Variants in PROSER1 observed in about 807,000 individuals in gnomAD.
PROSER1 encodes the protein proline and serine-rich protein 1.
Under a neutral mutation model 71.8 loss-of-function variants are expected in PROSER1, and 36 were observed. That is an observed-to-expected ratio of 0.50 (90% CI 0.38 to 0.66). PROSER1 has a LOEUF of 0.66. Ranked by LOEUF, PROSER1 falls within the 30% of genes least tolerant of loss-of-function variation. The pLI is 0.00. For synonymous variants in PROSER1, 490 were observed against 452.4 expected, an observed-to-expected ratio of 1.08 and a Z score of -1.06; for missense variants, 1,107 against 1,135.0, an observed-to-expected ratio of 0.98 and a Z score of 0.35.
chr13:39,024,708 G>A (rs964943156), intron 6 of PROSER1, 152 bp from the exon 7 acceptor site: 14 of 606,804 alleles, frequency 2.3e-5, no homozygotes, highest in East Asian at 1.1e-4. Context: ...ACTGGCTGGC[G>A]GCATGACCCT....
intron 7 of PROSER1, among the ~76,000 whole-genome samples, chr13:39,024,140 G>A (rs755650370): frequency 2.0e-5 from 3 of 152,128 alleles, no homozygotes; most frequent in Non-Finnish European, 2.9e-5. Flanking sequence ...TGACTTCACT[G>A]TGGTTTCACT....
At chr13:39,031,817 G>A (rs1004668858) in intron 2 of PROSER1, 186 bp from the exon 3 acceptor site, 1 of 525,954 alleles carries the variant, frequency 1.9e-6, no homozygotes, top group Middle Eastern at 3.3e-4. Flanking sequence ...ATAACTTAAA[G>A]TCAAATAAAA....
At chr13:39,018,697 G>C (rs1313754462) in intron 9 of PROSER1, among the ~76,000 whole-genome samples, 1 of 152,054 alleles carries the variant, frequency 6.6e-6, no homozygotes, top group African/African-American at 2.4e-5. Flanking sequence ...TGTCATAAAT[G>C]AATGGGTTAA....
chr13:39,017,533 G>T lies in PROSER1; in HGVS notation c.742C>A (p.Leu248Ile). The T allele has an allele frequency of 6.6e-7, 1 of 1,522,768 alleles. No individual in the cohort carries two copies. Among genetic ancestry groups the T allele is most frequent in the Non-Finnish European group, 9.0e-7 (1 of 1,108,904 alleles). 94.3% of individuals were successfully genotyped at this position (1,522,768 alleles called of 1,614,324 possible). A position where few individuals can be genotyped will look rare whatever the true frequency, so the allele number is the denominator to read the frequency against. ...PNPVGTENED[L>I]SNPSKPIQNQ... ...TGTATAGGTTTTGACGGATTCGAAA[G>T]GTCTTCATTCTCTATATAAAAATAA... Residue 248 changes from leucine (L) to isoleucine (I), a missense_variant, in exon 10 of 13, where the codon CTT becomes ATT. Transcript: ENST00000352251.
chr13:39,035,856 T>G (rs1871076908), intron 1 of PROSER1, among the ~76,000 whole-genome samples: 1 of 152,198 alleles, frequency 6.6e-6, no homozygotes, highest in African/African-American at 2.4e-5. Context: ...ACCATGACAA[T>G]GTTGATGTGT....
intron 10 of PROSER1, among the ~76,000 whole-genome samples, chr13:39,014,905 G>A (rs1869935620): frequency 6.6e-6 from 1 of 152,108 alleles, no homozygotes; most frequent in South Asian, 2.1e-4. Context: ...GCCATACAAG[G>A]CTTTCCAGGA....
Position 39,022,358 on chromosome 13 carries a change from G to A in PROSER1, c.698C>T (p.Pro233Leu). 1 of 1,612,520 alleles carries A rather than the reference G, an allele frequency of 6.2e-7. No homozygotes were observed. Among genetic ancestry groups the A allele is most frequent in the East Asian group, 2.2e-5 (1 of 44,846 alleles). The change falls in exon 9 of 13, where the codon CCA becomes CTA. Residue 233 changes from proline to leucine, a missense_variant. Pro to Leu is a moderately conservative substitution (Grantham distance 98). Transcript: ENST00000352251. ...TACAGGATTAGGAGTATATGGAGGT[G>A]GAGGTGGAGCTATGACATTCGCTAA... Reference protein sequence around the residue: ...VPLANVIAPPPPPYTPNPVGT... With the variant: ...VPLANVIAPPLPPYTPNPVGT...
intron 11 of PROSER1, 24 bp from the exon 12 acceptor site, chr13:39,012,257 AGT>A (rs1566219984): frequency 6.2e-7 from 1 of 1,609,364 alleles, no homozygotes; most frequent in Admixed American, 1.7e-5. Flanking sequence ...CAGAAAAACA[AGT>A]TAACTGCAGA....
At chr13:39,015,619 A>G (rs1869972634) in intron 10 of PROSER1, among the ~76,000 whole-genome samples, 1 of 152,194 alleles carries the variant, frequency 6.6e-6, no homozygotes, top group Admixed American at 6.5e-5. Flanking sequence ...TAAACAACAC[A>G]TACATAATTC....
rs1869632764 is a variant in PROSER1 at position 39,011,210 on chromosome 13, GCAAC to G, written c.*151_*154del. On this transcript the variant is annotated 3_prime_UTR_variant, in exon 13 of 13. Transcript: ENST00000352251. The stretch of plus-strand genomic sequence containing the variant: ...TAGGGGAGTGTTCACACTTTAAAAT[GCAAC>G]CACAATTTTCAAATTGTTGTCACAA... 17 of 723,586 alleles carry G rather than the reference GCAAC, an allele frequency of 2.3e-5. 1 individual carries two copies. The highest frequency in any genetic ancestry group is 3.5e-5 in the African/African-American group (2 of 56,576). The allele number at this position is 723,586 out of a possible 1,614,324, so 44.8% of individuals were successfully genotyped here.
At position 39,023,138 on chromosome 13, in the gene PROSER1, A is replaced by G. The variant is rs1566025436; in HGVS notation, c.565-8T>C. ...ATTATATGTTGAAGGAGGCTAAAAC[A>G]TGGGGGAAAATACAGCAGTTAGAAG... On this transcript the variant is annotated splice_polypyrimidine_tract_variant and splice_region_variant and intron_variant, in intron 7 of 12. Coordinates refer to ENST00000352251, the MANE Select transcript of PROSER1 (RefSeq NM_025138.5). The G allele has an allele frequency of 1.2e-6, 2 of 1,605,320 alleles. No individual in the cohort carries two copies. The highest frequency in any genetic ancestry group is 8.5e-7 in the Non-Finnish European group (1 of 1,172,416).
chr13:39,022,442 T>TACC (rs1230684193), intron 8 of PROSER1, 30 bp from the exon 9 acceptor site: 1 of 1,452,666 alleles, frequency 6.9e-7, no homozygotes, highest in African/African-American at 1.4e-5. Context: ...GAAAAAAATA[T>TACC]ACCTTAGGAC....
intron 7 of PROSER1, 144 bp from the exon 8 acceptor site, chr13:39,023,274 G>T: frequency 1.7e-6 from 1 of 579,688 alleles, no homozygotes; most frequent in East Asian, 2.8e-5. Flanking sequence ...CAACAAATGA[G>T]GGAAATTTCT....
In PROSER1 at chr13:39,011,232, T is replaced by A. The variant is rs1478962910; in HGVS notation, c.*133A>T. ...AATGCAACCACAATTTTCAAATTGT[T>A]GTCACAATTTCTCCAGGATTACCCT... On this transcript the variant is annotated 3_prime_UTR_variant, in exon 13 of 13. Coordinates refer to ENST00000352251, the MANE Select transcript of PROSER1 (RefSeq NM_025138.5). 7.0e-6 allele frequency: 6 copies of A among 853,804 alleles called. No individual in the cohort carries two copies. The highest frequency in any genetic ancestry group is 3.4e-5 in the African/African-American group (2 of 58,756). The allele number at this position is 853,804 out of a possible 1,614,324, so 52.9% of individuals were successfully genotyped here.
Position 39,013,362 on chromosome 13 carries a change from A to C in PROSER1, c.1890T>G (p.His630Gln). The change falls in exon 11 of 13, where the codon CAT becomes CAG. Residue 630 changes from histidine to glutamine, a missense_variant. Coordinates refer to ENST00000352251, the MANE Select transcript of PROSER1 (RefSeq NM_025138.5). ...KGPSHSGNPS[H>Q]GTLGLSGTLG... is the part of the protein sequence containing the mutation. Reference sequence around the variant, plus strand: ...ATGTCCCTGACAAACCTAAAGTGCCATGAGAGGGATTCCCAGAATGAGATG... The same window carrying C: ...ATGTCCCTGACAAACCTAAAGTGCCCTGAGAGGGATTCCCAGAATGAGATG... 6.2e-7 allele frequency: 1 copy of C among 1,614,222 alleles called. No homozygotes were observed. The highest frequency in any genetic ancestry group is 8.5e-7 in the Non-Finnish European group (1 of 1,180,046).
At chr13:39,027,465 C>T (rs17059014) in intron 5 of PROSER1, among the ~76,000 whole-genome samples, 26,088 of 152,000 alleles carry the variant, frequency 0.17, 2,996 homozygotes, top group African/African-American at 0.33. Flanking sequence ...GAAAGTGACA[C>T]GATCGGAACA....
At position 39,026,408 on chromosome 13, in the gene PROSER1, G is replaced by A. The variant is rs372441677; in HGVS notation, c.370-21C>T. On this transcript the variant is annotated intron_variant, in intron 5 of 12. Coordinates refer to ENST00000352251, the MANE Select transcript of PROSER1 (RefSeq NM_025138.5). ...AAAGCCTGTAATATAAGAAAGAAGA[G>A]GGGTAGGAAAAAAATTCTTAAAAGA... The A allele has an allele frequency of 3.3e-4, 500 of 1,515,488 alleles. 4 individuals are homozygous for A. Among genetic ancestry groups the A allele is most frequent in the Non-Finnish European group, 6.0e-5 (66 of 1,109,102 alleles). 93.9% of individuals were successfully genotyped at this position (1,515,488 alleles called of 1,614,324 possible).
chr13:39,012,676 A>G lies in PROSER1; in HGVS notation c.2561+15T>C. The G allele has an allele frequency of 1.3e-6, 2 of 1,516,422 alleles. No homozygotes were observed. The highest frequency in any genetic ancestry group is 1.8e-6 in the Non-Finnish European group (2 of 1,127,700). 93.9% of individuals were successfully genotyped at this position (1,516,422 alleles called of 1,614,324 possible). On this transcript the variant is annotated intron_variant, in intron 11 of 12. Coordinates refer to ENST00000352251, the MANE Select transcript of PROSER1 (RefSeq NM_025138.5). ...TGAAGAATAATTTTATCCTATTTCC[A>G]AACTATCCACATACCCGGCTTGTGC...
chr13:39,011,971 A>G, intron 12 of PROSER1, 112 bp downstream of exon 12: 1 of 1,137,758 alleles, frequency 8.8e-7, no homozygotes, highest in Non-Finnish European at 1.3e-6. Flanking sequence ...GCATTCTGCT[A>G]AGAGCCATTT....
Sources: gnomAD v4.1 joint callset for allele counts (sites outside exome capture counted in the v4.1 genomes callset) on GRCh38, gnomAD v4.1.1 for gene constraint, MANE v1.5 for transcripts, NCBI Gene and HGNC (gene_info 2026-07-23, HGNC 2026-07-21) for gene names.